GRIA1: variants seen among roughly 807,000 people sequenced by gnomAD.
GRIA1 encodes glutamate receptor 1.
In GRIA1, 31 loss-of-function variants were observed where a neutral mutation model predicts 99.2. The observed-to-expected ratio is 0.31, with a 90% confidence interval of 0.23 to 0.42. The LOEUF is 0.42. GRIA1 is among the 10% of genes least tolerant of loss of function. The pLI is 1.00. For missense variants in GRIA1, 782 were observed against 1,157.5 expected (o/e 0.68, Z 4.71); for synonymous variants, 438 against 432.4 (o/e 1.01, Z -0.16).
intron 2 of GRIA1, among the ~76,000 whole-genome samples, chr5:153,623,289 G>A (rs992113873): frequency 6.6e-6 from 1 of 152,158 alleles, no homozygotes; most frequent in Non-Finnish European, 1.5e-5. Flanking sequence ...TATGTGTCAT[G>A]CATTTGCCTA....
At chr5:153,672,880 A>G (rs1756296435) in intron 5 of GRIA1, among the ~76,000 whole-genome samples, 1 of 152,168 alleles carries the variant, frequency 6.6e-6, no homozygotes. Context: ...ATCCCACTCA[A>G]ATTCCTTGGG....
intron 13 of GRIA1, among the ~76,000 whole-genome samples, chr5:153,775,159 A>T (rs1764139033): frequency 6.6e-6 from 1 of 152,178 alleles, no homozygotes; most frequent in Non-Finnish European, 1.5e-5. Context: ...CCTAAACTGA[A>T]ATGTCTTTTC....
At chr5:153,677,897 A>C (rs1756703550) in intron 7 of GRIA1, among the ~76,000 whole-genome samples, 1 of 152,148 alleles carries the variant, frequency 6.6e-6, no homozygotes, top group African/African-American at 2.4e-5. Context: ...AGATCTCTAA[A>C]GCACCTCAAG....
At chr5:153,628,095 G>A (rs1200012227) in intron 2 of GRIA1, among the ~76,000 whole-genome samples, 3 of 152,222 alleles carry the variant, frequency 2.0e-5, no homozygotes, top group South Asian at 2.1e-4. Flanking sequence ...ATTCTAACAC[G>A]AGGTAGGAAG....
intron 13 of GRIA1, among the ~76,000 whole-genome samples, chr5:153,785,166 A>G (rs1179130889): frequency 1.3e-5 from 2 of 152,182 alleles, no homozygotes; most frequent in Non-Finnish European, 2.9e-5. Flanking sequence ...TTCTTCACAG[A>G]GGGAGAACTG....
intron 2 of GRIA1, among the ~76,000 whole-genome samples, chr5:153,567,890 A>G (rs1401726202): frequency 6.6e-6 from 1 of 152,246 alleles, no homozygotes; most frequent in Non-Finnish European, 1.5e-5. Flanking sequence ...TCTAGTAGAC[A>G]GTAATAAGAA....
At chr5:153,613,847 G>C (rs1766225273) in intron 2 of GRIA1, among the ~76,000 whole-genome samples, 1 of 152,082 alleles carries the variant, frequency 6.6e-6, no homozygotes, top group Non-Finnish European at 1.5e-5. Context: ...GCCATCCCAG[G>C]CTTTCCTTGG....
At chr5:153,702,262 C>T (rs1282662685) in intron 10 of GRIA1, among the ~76,000 whole-genome samples, 1 of 152,240 alleles carries the variant, frequency 6.6e-6, no homozygotes, top group Non-Finnish European at 1.5e-5. Flanking sequence ...CATGGTATAT[C>T]TTGGTGCCTC....
At chr5:153,505,693 G>T (rs1755424362) in intron 2 of GRIA1, among the ~76,000 whole-genome samples, 1 of 152,256 alleles carries the variant, frequency 6.6e-6, no homozygotes. Context: ...TCCACACTTT[G>T]CTAGGCACTG....
At chr5:153,498,551 G>T (rs1252985987) in intron 2 of GRIA1, among the ~76,000 whole-genome samples, 1 of 152,204 alleles carries the variant, frequency 6.6e-6, no homozygotes, top group Non-Finnish European at 1.5e-5. Context: ...CCTCTGTCAT[G>T]GACCTACTGG....
chr5:153,735,628 G>A (rs946962077), intron 11 of GRIA1, among the ~76,000 whole-genome samples: 9 of 152,160 alleles, frequency 5.9e-5, no homozygotes, highest in Non-Finnish European at 1.0e-4. Context: ...AAGACAATAT[G>A]AGGGGTGGTC....
At chr5:153,751,753 C>T (rs886521021) in intron 11 of GRIA1, among the ~76,000 whole-genome samples, 3 of 152,224 alleles carry the variant, frequency 2.0e-5, no homozygotes, top group Non-Finnish European at 1.5e-5. Flanking sequence ...AGAGAATGGT[C>T]CCATCAGATC....
intron 11 of GRIA1, among the ~76,000 whole-genome samples, chr5:153,715,603 G>A (rs1759612515): frequency 1.3e-5 from 2 of 152,092 alleles, no homozygotes; most frequent in Admixed American, 1.3e-4. Flanking sequence ...GAGATTCATG[G>A]AAAACATTTG....
chr5:153,506,727 G>C (rs956220270), intron 2 of GRIA1, among the ~76,000 whole-genome samples: 2 of 152,150 alleles, frequency 1.3e-5, no homozygotes, highest in Non-Finnish European at 2.9e-5. Context: ...CACAGCGCCC[G>C]CATGGAATTT....
intron 11 of GRIA1, among the ~76,000 whole-genome samples, chr5:153,722,144 G>T (rs911424113): frequency 6.6e-6 from 1 of 152,020 alleles, no homozygotes; most frequent in African/African-American, 2.4e-5. Flanking sequence ...TAAGTCTCTT[G>T]GTCACTTTTC....
chr5:153,777,839 G>C (rs554790874), intron 13 of GRIA1, among the ~76,000 whole-genome samples: 3 of 152,216 alleles, frequency 2.0e-5, no homozygotes, highest in Non-Finnish European at 4.4e-5. Context: ...TCTTCCCATA[G>C]TATAGTACTG....
rs1279383598 is a variant in GRIA1, at chr5:153,674,671, T to C, written c.861+10T>C. On this transcript the variant is annotated intron_variant, in intron 6 of 15. Transcript: ENST00000285900. ...CTGGAAGAGACCCAAGGTGAGTGGA[T>C]GGGCAGCCAGCAGCAAAGGGCCAGC... The C allele has an allele frequency of 1.2e-6, 2 of 1,613,010 alleles. No individual in the cohort carries two copies. The highest frequency in any genetic ancestry group is 3.3e-5 in the Admixed American group (2 of 59,990).
At chr5:153,538,932 G>A (rs1408149774) in intron 2 of GRIA1, among the ~76,000 whole-genome samples, 1 of 152,118 alleles carries the variant, frequency 6.6e-6, no homozygotes, top group Non-Finnish European at 1.5e-5. Context: ...TAATTCCAAT[G>A]AAGTCCTTCC....
intron 11 of GRIA1, among the ~76,000 whole-genome samples, chr5:153,708,056 T>C (rs560624615): frequency 2.0e-4 from 30 of 152,330 alleles, no homozygotes; most frequent in African/African-American, 6.7e-4. Flanking sequence ...CTTTATTTCC[T>C]TCATCAGTGA....
Sources: allele counts gnomAD v4.1 joint callset (sites outside exome capture counted in the v4.1 genomes callset), GRCh38; gene constraint gnomAD v4.1.1; transcripts MANE v1.5; gene names NCBI Gene and HGNC (gene_info 2026-07-23, HGNC 2026-07-21).